Variants in NELL1 observed in about 807,000 individuals in gnomAD.
NELL1 encodes the protein neural EGFL like 1.
In NELL1, 76 loss-of-function variants were observed where a neutral mutation model predicts 107.4. The ratio of observed to expected loss-of-function variants is 0.71; its 90% CI spans 0.59 to 0.86. The LOEUF (loss-of-function observed/expected upper bound fraction) is 0.86, where lower values mean the gene tolerates loss of function less well. Among genes scored for constraint, NELL1 ranks in the 40% least tolerant of loss-of-function variants. The pLI is 0.00. For synonymous variants in NELL1, 353 were observed against 341.2 expected, an observed-to-expected ratio of 1.03 and a Z score of -0.38; for missense variants, 1,024 against 1,005.5, an observed-to-expected ratio of 1.02 and a Z score of -0.25.
rs548132417 is a variant in NELL1 at position 21,466,773 on chromosome 11, A to G, written c.1646-67601A>G. Among the ~76,000 whole-genome samples the G allele has an allele frequency of 5.0e-4, 76 of 152,042 alleles. 1 individual carries two copies. In the South Asian group the frequency reaches 0.015, roughly 30 times the overall value. On this transcript the variant is annotated intron_variant, in intron 15 of 19. Transcript: ENST00000357134. ...CCACTAGGAGAAGTTTTGGAAAGCTATGGTTGTAGTGACTAGTGGGGGTAC... is the reference window on the plus strand; with the variant it reads ...CCACTAGGAGAAGTTTTGGAAAGCTGTGGTTGTAGTGACTAGTGGGGGTAC...
At chr11:20,838,645 A>G (rs1848573199) in intron 3 of NELL1, among the ~76,000 whole-genome samples, 1 of 152,100 alleles carries the variant, frequency 6.6e-6, no homozygotes, top group South Asian at 2.1e-4. Flanking sequence ...ACCTTTATAG[A>G]TATATCAGTT....
Position 20,677,999 on chromosome 11 carries a change from C to T in NELL1, c.123C>T (p.Thr41=). The T allele has an allele frequency of 6.2e-7, 1 of 1,614,124 alleles. No homozygotes were observed. The highest frequency in any genetic ancestry group is 8.5e-7 in the Non-Finnish European group (1 of 1,179,978). The change falls in exon 2 of 20, where the codon ACC becomes ACT. Residue 41 remains threonine, a synonymous_variant. Transcript: ENST00000357134. ...DIVTELDLVN[T]TLGVAQVSGM... ...TCACCGAGCTTGACCTTGTGAACAC[C>T]ACCCTTGGAGTTGCTCAGGTGTCTG... is the stretch of plus-strand genomic sequence containing the variant.
intron 17 of NELL1, among the ~76,000 whole-genome samples, chr11:21,568,074 A>T (rs1220345263): frequency 6.6e-6 from 1 of 151,820 alleles, no homozygotes; most frequent in Non-Finnish European, 1.5e-5. Context: ...TCATCACTGT[A>T]TCAACATCAT....
chr11:21,481,400 A>C (rs1469804884), intron 15 of NELL1, among the ~76,000 whole-genome samples: 2 of 152,212 alleles, frequency 1.3e-5, no homozygotes, highest in Non-Finnish European at 2.9e-5. Context: ...TGGATTCTTT[A>C]ATCTGGGCAA....
chr11:21,406,558 G>C (rs1470403599), intron 15 of NELL1, among the ~76,000 whole-genome samples: 1 of 151,928 alleles, frequency 6.6e-6, no homozygotes, highest in Admixed American at 6.6e-5. Context: ...AAGATAAATT[G>C]AGCTTCTTGT....
At chr11:21,200,699 G>A (rs1256480168) in intron 13 of NELL1, among the ~76,000 whole-genome samples, 1 of 152,152 alleles carries the variant, frequency 6.6e-6, no homozygotes. Flanking sequence ...TAGTCACGAA[G>A]TCTTTGCCCA....
chr11:20,821,433 T>C (rs1487606536), intron 3 of NELL1, among the ~76,000 whole-genome samples: 1 of 152,172 alleles, frequency 6.6e-6, no homozygotes, highest in Non-Finnish European at 1.5e-5. Flanking sequence ...TGTGGATGTA[T>C]TCATTCTTCT....
chr11:20,681,965 T>C (rs1165081276), intron 2 of NELL1, among the ~76,000 whole-genome samples: 5 of 152,102 alleles, frequency 3.3e-5, no homozygotes, highest in African/African-American at 9.7e-5. Context: ...ATAAGAAATC[T>C]TGTGATTATG....
At chr11:20,932,178 G>A (rs1850632287) in intron 9 of NELL1, among the ~76,000 whole-genome samples, 1 of 152,072 alleles carries the variant, frequency 6.6e-6, no homozygotes, top group Non-Finnish European at 1.5e-5. Flanking sequence ...ATCCTTTGGT[G>A]AACTTCTTAA....
intron 15 of NELL1, among the ~76,000 whole-genome samples, chr11:21,505,995 C>T (rs1461114883): frequency 1.3e-5 from 2 of 152,128 alleles, no homozygotes; most frequent in African/African-American, 2.4e-5. Flanking sequence ...AGTTCAGAGC[C>T]ACCAGCATGT....
intron 13 of NELL1, among the ~76,000 whole-genome samples, chr11:21,215,856 C>T (rs1355488976): frequency 6.6e-6 from 1 of 152,152 alleles, no homozygotes; most frequent in African/African-American, 2.4e-5. Flanking sequence ...GAAAAGAAAA[C>T]TGACTTTCTG....
chr11:20,859,536 G>A (rs746211283), intron 4 of NELL1, among the ~76,000 whole-genome samples: 8 of 152,298 alleles, frequency 5.3e-5, no homozygotes, highest in Non-Finnish European at 1.0e-4. Flanking sequence ...CAAATGTGGA[G>A]TAGACGTTAC....
At chr11:20,679,338 G>A (rs1028257742) in intron 2 of NELL1, among the ~76,000 whole-genome samples, 4 of 152,160 alleles carry the variant, frequency 2.6e-5, no homozygotes, top group African/African-American at 7.2e-5. Context: ...ATTCCTCTAC[G>A]AAAATGTCTG....
At chr11:21,121,564 G>T (rs761294291) in intron 13 of NELL1, among the ~76,000 whole-genome samples, 13 of 152,088 alleles carry the variant, frequency 8.5e-5, no homozygotes, top group Non-Finnish European at 1.8e-4. Flanking sequence ...CTTGGTTATT[G>T]GGGGTCCTCT....
intron 13 of NELL1, among the ~76,000 whole-genome samples, chr11:21,176,383 T>C (rs1017905413): frequency 3.3e-5 from 5 of 151,884 alleles, no homozygotes; most frequent in African/African-American, 1.2e-4. Context: ...AGCCCTCTTG[T>C]CTTACTCGCA....
intron 14 of NELL1, among the ~76,000 whole-genome samples, chr11:21,312,792 A>G (rs1299154730): frequency 6.6e-6 from 1 of 152,210 alleles, no homozygotes; most frequent in Non-Finnish European, 1.5e-5. Flanking sequence ...AACATTTTAT[A>G]GTTTATTAAA....
At chr11:20,881,122 C>A (rs559563749) in intron 4 of NELL1, among the ~76,000 whole-genome samples, 3 of 152,110 alleles carry the variant, frequency 2.0e-5, no homozygotes, top group African/African-American at 4.8e-5. Flanking sequence ...CTTGTTTCCC[C>A]TTTTCCTTCT....
chr11:21,137,005 A>G (rs1299091065), intron 13 of NELL1, among the ~76,000 whole-genome samples: 1 of 152,206 alleles, frequency 6.6e-6, no homozygotes, highest in African/African-American at 2.4e-5. Context: ...ACTGTTATGG[A>G]ATCTAACTCA....
chr11:21,464,632 A>G (rs1381321732), intron 15 of NELL1, among the ~76,000 whole-genome samples: 1 of 152,144 alleles, frequency 6.6e-6, no homozygotes, highest in Admixed American at 6.6e-5. Flanking sequence ...GGACCACTTT[A>G]TAAAAGATTA....
Sources: gnomAD v4.1 joint callset for allele counts (sites outside exome capture counted in the v4.1 genomes callset) on GRCh38, gnomAD v4.1.1 for gene constraint, MANE v1.5 for transcripts, NCBI Gene and HGNC (gene_info 2026-07-23, HGNC 2026-07-21) for gene names.